LPA: variants seen among roughly 807,000 people sequenced by gnomAD.
LPA encodes the protein apolipoprotein(a).
LPA carries 199 observed loss-of-function variants against 197.9 expected under a neutral mutation model. That is an observed-to-expected ratio of 1.01 (90% CI 0.90 to 1.13). LPA has a LOEUF of 1.13. LPA is among the 50% of genes most tolerant of loss of function. LPA has a pLI of 0.00. For missense variants in LPA, 1,853 were observed against 1,785.8 expected (o/e 1.04, Z -0.68); for synonymous variants, 715 against 639.5 (o/e 1.12, Z -1.78).
chr6:160,606,845 C>A (rs1177775442), intron 16 of LPA, among the ~76,000 whole-genome samples, 187 bp from the exon 17 acceptor site: 6 of 152,104 alleles, frequency 3.9e-5, no homozygotes, highest in African/African-American at 1.4e-4. Flanking sequence ...ATTTCTCATA[C>A]TTAAAAGATT....
At chr6:160,607,984 A>G (rs1779394748) in intron 16 of LPA, among the ~76,000 whole-genome samples, 1 of 152,200 alleles carries the variant, frequency 6.6e-6, no homozygotes, top group African/African-American at 2.4e-5. Context: ...TTACAATGGT[A>G]CACTTCTAAT....
chr6:160,589,531 G>C (rs755027032), intron 24 of LPA, 22 bp downstream of exon 24: 6 of 1,612,176 alleles, frequency 3.7e-6, no homozygotes, highest in South Asian at 1.1e-5. Flanking sequence ...TGTTTCTCTT[G>C]GGAGAAAACT....
intron 1 of LPA, among the ~76,000 whole-genome samples, chr6:160,662,518 G>A (rs549479986): frequency 9.1e-4 from 139 of 152,264 alleles, no homozygotes; most frequent in African/African-American, 3.3e-3. Context: ...TGCCCCCCAG[G>A]TCGATTAAAA....
At chr6:160,605,795 A>G (rs1208986917) in intron 17 of LPA, among the ~76,000 whole-genome samples, 1 of 152,204 alleles carries the variant, frequency 6.6e-6, no homozygotes, top group Admixed American at 6.5e-5. Flanking sequence ...ACTCCCCTGC[A>G]GGAGAGATGA....
At chr6:160,563,054 G>T (rs1340503413) in intron 28 of LPA, among the ~76,000 whole-genome samples, 2 of 151,966 alleles carry the variant, frequency 1.3e-5, no homozygotes, top group Non-Finnish European at 2.9e-5. Context: ...GGGTTTTCGT[G>T]TCTTTATCCC....
intron 28 of LPA, among the ~76,000 whole-genome samples, chr6:160,573,356 T>G (rs535614433): frequency 6.6e-6 from 1 of 152,160 alleles, no homozygotes; most frequent in Admixed American, 6.5e-5. Flanking sequence ...TTTTTTTTTT[T>G]GGATTTCCTT....
chr6:160,544,323 C>A (rs535761641), intron 33 of LPA, among the ~76,000 whole-genome samples: 1 of 152,254 alleles, frequency 6.6e-6, no homozygotes, highest in East Asian at 1.9e-4. Flanking sequence ...GGTAGAGGAA[C>A]CACCAAGATG....
intron 28 of LPA, among the ~76,000 whole-genome samples, chr6:160,573,181 T>C (rs1778593243): frequency 6.6e-6 from 1 of 152,178 alleles, no homozygotes; most frequent in South Asian, 2.1e-4. Context: ...GAAGTCCTTG[T>C]CTTTGAGCTC....
At chr6:160,580,991 A>T (rs1778783799) in intron 26 of LPA, among the ~76,000 whole-genome samples, 2 of 152,260 alleles carry the variant, frequency 1.3e-5, no homozygotes, top group Admixed American at 1.3e-4. Flanking sequence ...TCCTTCTCCA[A>T]GGTTATAAGA....
chr6:160,581,240 A>G (rs1778789580), intron 26 of LPA, among the ~76,000 whole-genome samples: 1 of 152,154 alleles, frequency 6.6e-6, no homozygotes, highest in African/African-American at 2.4e-5. Flanking sequence ...ATGTAAATTT[A>G]TGCTGACCCT....
chr6:160,602,994 GTTTTT>G (rs10548212), intron 18 of LPA, among the ~76,000 whole-genome samples: 15 of 121,390 alleles, frequency 1.2e-4, no homozygotes, highest in Middle Eastern at 4.6e-3. Context: ...GAATCATACA[GTTTTT>G]TTTTTTTTTT....
At chr6:160,546,171 T>C (rs950771060) in intron 32 of LPA, among the ~76,000 whole-genome samples, 8 of 152,100 alleles carry the variant, frequency 5.3e-5, no homozygotes, top group African/African-American at 1.9e-4. Flanking sequence ...CCATGTGACT[T>C]GAGGGTTGGA....
At chr6:160,552,987 T>C (rs1778190381) in intron 30 of LPA, among the ~76,000 whole-genome samples, 1 of 152,166 alleles carries the variant, frequency 6.6e-6, no homozygotes, top group African/African-American at 2.4e-5. Flanking sequence ...TTTAAATTTT[T>C]TTGGTTGTCC....
At position 160,578,627 on chromosome 6, in the gene LPA, C is replaced by G. The variant is rs369044815; in HGVS notation, c.4367G>C (p.Arg1456Thr). 1 of 1,614,020 alleles carries G rather than the reference C, an allele frequency of 6.2e-7. No homozygotes were observed. Among genetic ancestry groups the G allele is most frequent in the African/African-American group, 1.3e-5 (1 of 75,044 alleles). ...TCGTGTCAGGTTGCAGTACTCCCAC[C>G]TGACACTGGGATCCATGGTGTAACA... ...PWCYTMDPSV[R>T]WEYCNLTRCP... is the part of the protein sequence containing the mutation. The change falls in exon 27 of 39, where the codon AGG becomes ACG. Residue 1456 changes from arginine to threonine, a missense_variant. Coordinates refer to ENST00000316300, the MANE Select transcript of LPA (RefSeq NM_005577.4).
chr6:160,576,556 A>T (rs1320887791), intron 28 of LPA, among the ~76,000 whole-genome samples: 1 of 145,560 alleles, frequency 6.9e-6, no homozygotes, highest in African/African-American at 2.5e-5. Flanking sequence ...ACATAGTGAA[A>T]CAATATAATT....
chr6:160,559,242 T>G (rs1350311918), intron 28 of LPA, among the ~76,000 whole-genome samples: 3 of 152,202 alleles, frequency 2.0e-5, no homozygotes, highest in Non-Finnish European at 4.4e-5. Context: ...GAAATTAGTT[T>G]TTCCTCTTTT....
Position 160,587,483 on chromosome 6 carries a change from C to A in LPA, c.3948-853G>T, listed in dbSNP as rs41272090. 4.2e-3 allele frequency among the ~76,000 whole-genome samples: 635 copies of A among 151,906 alleles called. 6 individuals are homozygous for A. Among genetic ancestry groups the A allele is most frequent in the African/African-American group, 0.015 (603 of 41,462 alleles). On this transcript the variant is annotated intron_variant, in intron 24 of 38. Coordinates refer to ENST00000316300, the MANE Select transcript of LPA (RefSeq NM_005577.4). ...AGGAACCCCCTTTTTTTCTTTTTAGCTTTGAATTGAGGCAACTTAACTATG... is the reference window on the plus strand; with the variant it reads ...AGGAACCCCCTTTTTTTCTTTTTAGATTTGAATTGAGGCAACTTAACTATG...
Position 160,557,469 on chromosome 6 carries a change from T to C in LPA, c.4734A>G (p.Gln1578=), listed in dbSNP as rs1314029994. ...GGACACCTGATTCTGTTTCTGAGCATTGTGTCAGATTGCAGTACTCCCACC... is the reference window on the plus strand; with the variant it reads ...GGACACCTGATTCTGTTTCTGAGCACTGTGTCAGATTGCAGTACTCCCACC... The part of the protein sequence containing the change: ...CVRWEYCNLT[Q]CSETESGVLE... Residue 1578 remains glutamine (Q), a synonymous_variant, in exon 29 of 39, where the codon CAA becomes CAG. Coordinates refer to ENST00000316300, the MANE Select transcript of LPA (RefSeq NM_005577.4). 2 of 1,613,928 alleles carry C rather than the reference T, an allele frequency of 1.2e-6. No individual in the cohort carries two copies. Among genetic ancestry groups the C allele is most frequent in the Non-Finnish European group, 1.7e-6 (2 of 1,179,980 alleles).
At chr6:160,582,390 G>T (rs1406586333) in intron 26 of LPA, among the ~76,000 whole-genome samples, 1 of 151,582 alleles carries the variant, frequency 6.6e-6, no homozygotes, top group Non-Finnish European at 1.5e-5. Flanking sequence ...ACACTCTAAA[G>T]GTGTTATTCC....
Sources: allele counts gnomAD v4.1 joint callset (sites outside exome capture counted in the v4.1 genomes callset), GRCh38; gene constraint gnomAD v4.1.1; transcripts MANE v1.5; gene names NCBI Gene and HGNC (gene_info 2026-07-23, HGNC 2026-07-21).